KRT10: variants seen among roughly 807,000 people sequenced by gnomAD.
KRT10 encodes keratin, type I cytoskeletal 10.
A neutral mutation model predicts 59.2 loss-of-function variants in KRT10; 40 were observed. That is an observed-to-expected ratio of 0.68 (90% confidence interval 0.52 to 0.88). The LOEUF (loss-of-function observed/expected upper bound fraction) is 0.88, where lower values mean the gene tolerates loss of function less well. Among genes scored for constraint, KRT10 ranks in the 40% least tolerant of loss-of-function variants. KRT10 has a pLI of 0.00. For missense variants in KRT10, 719 were observed against 749.1 expected, an observed-to-expected ratio of 0.96 and a Z score of 0.47; for synonymous variants, 336 against 310.7, an observed-to-expected ratio of 1.08 and a Z score of -0.86.
rs144109451 is a variant in KRT10 at position 40,819,999 on chromosome 17, A to G, written c.1155+50T>C. ...TTGCATTGCATATTCTTAGGTGAGC[A>G]TGAAACTTTGTATGATAAAGTTGAA... On this transcript the variant is annotated intron_variant, in intron 5 of 7. Coordinates refer to ENST00000269576, the MANE Select transcript of KRT10 (RefSeq NM_000421.5). The G allele has an allele frequency of 1.3e-4, 214 of 1,606,926 alleles. 1 individual carries two copies. Among genetic ancestry groups the G allele is most frequent in the Non-Finnish European group, 8.4e-5 (99 of 1,175,278 alleles).
intron 2 of KRT10, 98 bp downstream of exon 2, chr17:40,820,937 C>G: frequency 9.5e-7 from 1 of 1,053,430 alleles, no homozygotes; most frequent in Non-Finnish European, 1.5e-6. Flanking sequence ...TGGGTGAATT[C>G]AGAAAAATGT....
In KRT10 at chr17:40,822,513, A is replaced by ATCC. The variant is rs148510452; in HGVS notation, c.70_72dup (p.Gly24dup). The stretch of plus-strand genomic sequence containing the variant: ...GATGACACTCCTCCTCCTCCTCCAC[A>ATCC]TCCTCCTCCTCCTCCTCCTCCTCCA... On this transcript the variant is annotated inframe_insertion, in exon 1 of 8. Transcript: ENST00000269576. The ATCC allele has an allele frequency of 6.8e-4, 1,077 of 1,593,310 alleles. No individual in the cohort carries two copies. Among genetic ancestry groups the ATCC allele is most frequent in the African/African-American group, 2.3e-3 (167 of 73,628 alleles).
rs748075726 is a variant in KRT10, at chr17:40,819,732, T to G, written c.1158A>C (p.Lys386Asn). 6.2e-7 allele frequency: 1 copy of G among 1,614,116 alleles called. No individual in the cohort carries two copies. The highest frequency in any genetic ancestry group is 8.5e-7 in the Non-Finnish European group (1 of 1,179,928). The change falls in exon 6 of 8, where the codon AAA becomes AAC. Residue 386 changes from lysine (K) to asparagine (N), a missense_variant and splice_region_variant. Around this residue, in one of 4 missense-constraint regions of KRT10, gnomAD observed 221 missense variants for 277.8 expected, o/e 0.80. Coordinates refer to ENST00000269576, the MANE Select transcript of KRT10 (RefSeq NM_000421.5). ...CTGCCAAGGAGGCTTCCAGGGATTG[T>G]TTCTGAAACGGATTTTTTTGTGGCT... ...EIELQSQLALKQSLEASLAET... is the reference protein window; with the variant it reads ...EIELQSQLALNQSLEASLAET...
In KRT10 at chr17:40,820,532, A is replaced by G. The variant is rs772976848; in HGVS notation, c.846T>C (p.Tyr282=). 3 of 1,614,210 alleles carry G rather than the reference A, an allele frequency of 1.9e-6. No homozygotes were observed. The highest frequency in any genetic ancestry group is 3.3e-4 in the Middle Eastern group (2 of 6,062). ...TCACCTCCTCGTGGTTCTTCTTCAG[A>G]TAGGCCAGCTCTTCAGTCAGGCTCT... ...QIESLTEELA[Y]LKKNHEEEMK... Residue 282 remains tyrosine, a synonymous_variant, in exon 3 of 8, where the codon TAT becomes TAC. Transcript: ENST00000269576.
Position 40,820,570 on chromosome 17 carries a change from C to G in KRT10, c.808G>C (p.Glu270Gln). Residue 270 changes from glutamate (E) to glutamine (Q), a missense_variant, in exon 3 of 8, where the codon GAG (glutamate) becomes CAG (glutamine). This residue lies in a region of KRT10 where 221 missense variants were observed against 277.8 expected (regional missense o/e 0.80). Transcript: ENST00000269576. Reference sequence around the variant, plus strand: ...TCAGTCAGGCTCTCAATTTGCATCTCCAGGTCAGCCTTGGTCAGGGTCAGC... The same window carrying G: ...TCAGTCAGGCTCTCAATTTGCATCTGCAGGTCAGCCTTGGTCAGGGTCAGC... ...DELTLTKADL[E>Q]MQIESLTEEL... The G allele has an allele frequency of 1.2e-6, 2 of 1,614,232 alleles. No homozygotes were observed. The highest frequency in any genetic ancestry group is 8.5e-7 in the Non-Finnish European group (1 of 1,180,048).
Position 40,821,977 on chromosome 17 carries a change from G to A in KRT10, c.609C>T (p.Ile203=), listed in dbSNP as rs757208661. Residue 203 remains isoleucine, a synonymous_variant, in exon 1 of 8, where the codon ATC becomes ATT. Transcript: ENST00000269576. The part of the protein sequence containing the change: ...PRDYSKYYKT[I]DDLKNQILNL... ...CTCTTACCTGATTTTTAAGGTCATC[G>A]ATGGTTTTGTAGTATTTGCTGTAGT... 5 of 1,613,886 alleles carry A rather than the reference G, an allele frequency of 3.1e-6. No individual in the cohort carries two copies. Among genetic ancestry groups the A allele is most frequent in the Non-Finnish European group, 3.4e-6 (4 of 1,179,954 alleles).
In KRT10 at chr17:40,822,603, C is replaced by T. The variant is rs564032826; in HGVS notation, c.-18G>A. The T allele has an allele frequency of 1.3e-6, 2 of 1,599,530 alleles. No homozygotes were observed. The highest frequency in any genetic ancestry group is 4.5e-5 in the East Asian group (2 of 44,880). On this transcript the variant is annotated 5_prime_UTR_variant, in exon 1 of 8. Transcript: ENST00000269576. ...ACAGACATGGTGATGCTGTTTAGCC[C>T]AGGGAGTGCCTGCTACCAAGGACAG...
Position 40,819,222 on chromosome 17 carries a change from C to T in KRT10, c.1374-61G>A, listed in dbSNP as rs1597818261. On this transcript the variant is annotated intron_variant, in intron 6 of 7. Coordinates refer to ENST00000269576, the MANE Select transcript of KRT10 (RefSeq NM_000421.5). ...CGTTGGAAAACGGTGGGTAGCTTTC[C>T]AGTTGCCGTTAATTTAGAAAATAAG... is the stretch of plus-strand genomic sequence containing the variant. The T allele has an allele frequency of 5.7e-6, 9 of 1,590,488 alleles. No homozygotes were observed. In the South Asian group the frequency reaches 7.8e-5, roughly 14 times the overall value.
Position 40,819,059 on chromosome 17 carries a change from G to GCCGGAGCTTCCGCCT in KRT10, c.1475_1476insAGGCGGAAGCTCCGG (p.Gly493_Ser494insGlySerSerGlyGly). 2 of 708,786 alleles carry GCCGGAGCTTCCGCCT rather than the reference G, an allele frequency of 2.8e-6. No homozygotes were observed. The highest frequency in any genetic ancestry group is 1.9e-6 in the Non-Finnish European group (1 of 516,768). The allele number at this position is 708,786 out of a possible 1,614,324, so 43.9% of individuals were successfully genotyped here. ...CTCCGTAGCCGCCGCCGGAACTGCC[G>GCCGGAGCTTCCGCCT]CCGTGGCCGCCGCCGTGGCCGCCGC... On this transcript the variant is annotated inframe_insertion, in exon 7 of 8. Coordinates refer to ENST00000269576, the MANE Select transcript of KRT10 (RefSeq NM_000421.5).
At chr17:40,821,172 G>A (rs202024671) in intron 1 of KRT10, 55 bp from the exon 2 acceptor site, 1 of 1,278,272 alleles carries the variant, frequency 7.8e-7, no homozygotes, top group Non-Finnish European at 1.1e-6. Context: ...TATGGCTTTT[G>A]TAGTGACATA....
intron 7 of KRT10, 138 bp downstream of exon 7, chr17:40,818,649 A>C (rs771925613): frequency 5.6e-6 from 8 of 1,417,966 alleles, no homozygotes; most frequent in Non-Finnish European, 7.8e-6. Context: ...TGGTGTTAAG[A>C]GTAGTTTGTG....
In KRT10 at chr17:40,818,899, TG is replaced by T. The variant is rs769795211; in HGVS notation, c.1635del (p.Ser546AlafsTer73). The T allele has an allele frequency of 0.011, 13,616 of 1,252,830 alleles. 30 individuals are homozygous for T. Among genetic ancestry groups the T allele is most frequent in the African/African-American group, 0.02 (739 of 36,292 alleles). 77.6% of individuals were successfully genotyped at this position (1,252,830 alleles called of 1,614,324 possible). A position where few individuals can be genotyped will look rare whatever the true frequency, so the allele number is the denominator to read the frequency against. ...SGGGGGGYGGGSSGGGSSSGG... is the reference protein window; with the variant it reads ...SGGGGGGYGGXSSGGGSSSGG... ...CCGGAGCTGCTGCCGCCGCCGGAGCTGCCGCCCCCGTAGCCGCCGCCGCCGC... is the reference window on the plus strand; with the variant it reads ...CCGGAGCTGCTGCCGCCGCCGGAGCTCCGCCCCCGTAGCCGCCGCCGCCGC... On this transcript the variant is annotated frameshift_variant, in exon 7 of 8. Transcript: ENST00000269576. LOFTEE classifies it high-confidence loss of function.
Position 40,818,888 on chromosome 17 carries a change from G to T in KRT10, c.1647C>A (p.Gly549=), listed in dbSNP as rs750260006. 7 of 1,497,722 alleles carry T rather than the reference G, an allele frequency of 4.7e-6. No homozygotes were observed. In the South Asian group the frequency reaches 9.0e-5, roughly 19 times the overall value. The allele number at this position is 1,497,722 out of a possible 1,614,324, so 92.8% of individuals were successfully genotyped here. A position where few individuals can be genotyped will look rare whatever the true frequency, so the allele number is the denominator to read the frequency against. Residue 549 remains glycine, a synonymous_variant, in exon 7 of 8, where the codon GGC becomes GGA. Coordinates refer to ENST00000269576, the MANE Select transcript of KRT10 (RefSeq NM_000421.5). ...GGGYGGGSSG[G]GSSSGGGYGG... Reference sequence around the variant, plus strand: ...CGTATCCGCCGCCGGAGCTGCTGCCGCCGCCGGAGCTGCCGCCCCCGTAGC... The same window carrying T: ...CGTATCCGCCGCCGGAGCTGCTGCCTCCGCCGGAGCTGCCGCCCCCGTAGC...
intron 5 of KRT10, 131 bp from the exon 6 acceptor site, chr17:40,819,865 CA>C: frequency 9.1e-7 from 1 of 1,094,606 alleles, no homozygotes; most frequent in Non-Finnish European, 1.4e-6. Flanking sequence ...TGTTTAATGG[CA>C]CCATTTCAGT....
chr17:40,822,122 T>G lies in KRT10; in HGVS notation c.464A>C (p.Asp155Ala). ...TTTGTCCAAGTAGGAAGCCAGGCGGTCATTCAGATTCTGCATGGTTACTTT... is the reference window on the plus strand; with the variant it reads ...TTTGTCCAAGTAGGAAGCCAGGCGGGCATTCAGATTCTGCATGGTTACTTT... ...NEKVTMQNLNDRLASYLDKVR... is the reference protein window; with the variant it reads ...NEKVTMQNLNARLASYLDKVR... The change falls in exon 1 of 8, where the codon GAC becomes GCC. Residue 155 changes from aspartate to alanine, a missense_variant. Around this residue, in one of 4 missense-constraint regions of KRT10, gnomAD observed 7 missense variants for 24.9 expected, o/e 0.28. Transcript: ENST00000269576. The G allele has an allele frequency of 6.2e-7, 1 of 1,614,000 alleles. No homozygotes were observed. The highest frequency in any genetic ancestry group is 8.5e-7 in the Non-Finnish European group (1 of 1,179,992).
rs1054877628 is a variant in KRT10, at chr17:40,820,096, G to A, written c.1108C>T (p.Arg370Cys). 8.1e-6 allele frequency: 13 copies of A among 1,613,180 alleles called. No individual in the cohort carries two copies. Among genetic ancestry groups the A allele is most frequent in the Non-Finnish European group, 1.1e-5 (13 of 1,179,638 alleles). ...TCTATCTCCAGAGCTTGTACATTAC[G>A]TCTCAATTCAGTAATCTCAGATTTA... ...SYKSEITELR[R>C]NVQALEIELQ... Residue 370 changes from arginine (R) to cysteine (C), a missense_variant, in exon 5 of 8, where the codon CGT (arginine) becomes TGT (cysteine). By Grantham distance (180) the Arg-to-Cys change is radical. Coordinates refer to ENST00000269576, the MANE Select transcript of KRT10 (RefSeq NM_000421.5).
chr17:40,820,999 G>T, intron 2 of KRT10, 36 bp downstream of exon 2: 2 of 1,480,830 alleles, frequency 1.4e-6, no homozygotes, highest in Non-Finnish European at 1.9e-6. Flanking sequence ...TGATGTATTC[G>T]TTGTGATAGT....
At chr17:40,821,164 T>C (rs765796278) in intron 1 of KRT10, 47 bp from the exon 2 acceptor site, 13 of 1,407,042 alleles carry the variant, frequency 9.2e-6, no homozygotes, top group East Asian at 2.3e-5. Context: ...GATGCAGATA[T>C]GGCTTTTGTA....
chr17:40,820,666 A>G lies in KRT10; in HGVS notation c.712T>C (p.Tyr238His), dbSNP rs1027786706. 4.3e-6 allele frequency: 7 copies of G among 1,614,100 alleles called. No homozygotes were observed. Among genetic ancestry groups the G allele is most frequent in the Non-Finnish European group, 5.1e-6 (6 of 1,179,994 alleles). ...RLAADDFRLK[Y>H]ENEVALRQSV... ...TGGCGCAGAGCTACCTCATTCTCAT[A>G]CCTGAAACAAGCATGATATCAATAC... Residue 238 changes from tyrosine (Y) to histidine (H), a missense_variant and splice_region_variant, in exon 3 of 8, where the codon TAT becomes CAT. Coordinates refer to ENST00000269576, the MANE Select transcript of KRT10 (RefSeq NM_000421.5).
Sources: gnomAD v4.1 joint callset for allele counts on GRCh38, gnomAD v4.1.1 for gene constraint, gnomAD v4.1.1 regional missense constraint, MANE v1.5 for transcripts, NCBI Gene and HGNC (gene_info 2026-07-23, HGNC 2026-07-21) for gene names.